TEX14: variants seen among roughly 807,000 people sequenced by gnomAD.
TEX14 encodes inactive serine/threonine-protein kinase TEX14.
TEX14 carries 168 observed loss-of-function variants against 178.6 expected under a neutral mutation model. That is an observed-to-expected ratio of 0.94 (90% confidence interval 0.83 to 1.07). The LOEUF (loss-of-function observed/expected upper bound fraction) is 1.07. Among genes scored for constraint, TEX14 ranks in the 50% least tolerant of loss-of-function variants. The pLI, the probability that TEX14 is intolerant of heterozygous loss-of-function variation, is 0.00. For missense variants in TEX14, 1,730 were observed against 1,753.6 expected, an observed-to-expected ratio of 0.99 and a Z score of 0.24; for synonymous variants, 626 against 634.1, an observed-to-expected ratio of 0.99 and a Z score of 0.19.
intron 1 of TEX14, among the ~76,000 whole-genome samples, chr17:58,682,280 CAG>C (rs1291115781): frequency 2.1e-5 from 3 of 145,356 alleles, no homozygotes; most frequent in East Asian, 4.1e-4. Context: ...TTTTTTGTGA[CAG>C]AGTCTTACTC....
At chr17:58,629,323 G>T (rs1323255043) in intron 3 of TEX14, among the ~76,000 whole-genome samples, 2 of 151,802 alleles carry the variant, frequency 1.3e-5, no homozygotes, top group Non-Finnish European at 2.9e-5. Context: ...GCCTGGTGGT[G>T]CCCACTTGTA....
chr17:58,659,060 C>T (rs2047032001), intron 1 of TEX14, among the ~76,000 whole-genome samples: 1 of 151,374 alleles, frequency 6.6e-6, no homozygotes, highest in Admixed American at 6.6e-5. Flanking sequence ...AACCACAACT[C>T]CAAAACCAAA....
Position 58,577,324 on chromosome 17 carries a change from T to C in TEX14, c.3320+51A>G, listed in dbSNP as rs764146837. 9 of 729,250 alleles carry C rather than the reference T, an allele frequency of 1.2e-5. No homozygotes were observed. In the South Asian group the frequency reaches 2.2e-4, roughly 18 times the overall value. The allele number at this position is 729,250 out of a possible 1,614,324, so 45.2% of individuals were successfully genotyped here. On this transcript the variant is annotated intron_variant, in intron 21 of 31. Transcript: ENST00000349033. Reference sequence around the variant, plus strand: ...ATAAACACGGAGCATTATCACCATTTAACATTGCATCTATGAGTTTGAAAC... The same window carrying C: ...ATAAACACGGAGCATTATCACCATTCAACATTGCATCTATGAGTTTGAAAC...
intron 31 of TEX14, among the ~76,000 whole-genome samples, chr17:58,557,508 TG>T (rs762497564): frequency 6.6e-6 from 1 of 152,096 alleles, no homozygotes; most frequent in Non-Finnish European, 1.5e-5. Context: ...TGACCTCAGG[TG>T]ATCTGCCCGC....
intron 20 of TEX14, 134 bp from the exon 21 acceptor site, chr17:58,577,590 T>C: frequency 2.9e-6 from 1 of 345,234 alleles, no homozygotes; most frequent in Non-Finnish European, 5.0e-6. Flanking sequence ...ATAAACAAAG[T>C]GCTGCCCTAA....
intron 30 of TEX14, among the ~76,000 whole-genome samples, 163 bp from the exon 31 acceptor site, chr17:58,558,013 G>A (rs2044184740): frequency 6.6e-6 from 1 of 152,100 alleles, no homozygotes; most frequent in Non-Finnish European, 1.5e-5. Flanking sequence ...ACAATTAATG[G>A]GCTTCCCCTC....
chr17:58,620,687 G>A (rs1258212707), intron 5 of TEX14, among the ~76,000 whole-genome samples: 1 of 152,044 alleles, frequency 6.6e-6, no homozygotes, highest in East Asian at 1.9e-4. Context: ...AGAGACGGGG[G>A]TTTCACCATG....
At chr17:58,678,547 C>A (rs1437314039) in intron 1 of TEX14, among the ~76,000 whole-genome samples, 1 of 151,928 alleles carries the variant, frequency 6.6e-6, no homozygotes, top group Non-Finnish European at 1.5e-5. Context: ...AAGCTGGAAA[C>A]CATCATTCTG....
rs547516802 is a variant in TEX14, at chr17:58,561,533, T to G, written c.4144A>C (p.Lys1382Gln). The G allele has an allele frequency of 6.8e-6, 11 of 1,612,910 alleles. No individual in the cohort carries two copies. In the South Asian group the frequency reaches 1.2e-4, roughly 18 times the overall value. The change falls in exon 29 of 32, where the codon AAG becomes CAG. Residue 1382 changes from lysine to glutamine, a missense_variant. Lys to Gln is a moderately conservative substitution (Grantham distance 53). Around this residue, in one of 2 missense-constraint regions of TEX14, gnomAD observed 941 missense variants for 1,072.4 expected, o/e 0.88. Transcript: ENST00000349033. ...GGGAACAATAACCTTTCAGAGCCCTTGGGAAGGTCTTGTAGCTCCACGCTC... is the reference window on the plus strand; with the variant it reads ...GGGAACAATAACCTTTCAGAGCCCTGGGGAAGGTCTTGTAGCTCCACGCTC... ...EESVELQDLP[K>Q]GSERETNIKD...
chr17:58,632,681 C>T (rs1237836442), intron 2 of TEX14, among the ~76,000 whole-genome samples: 1 of 152,190 alleles, frequency 6.6e-6, no homozygotes, highest in Non-Finnish European at 1.5e-5. Context: ...GCTCACGCAC[C>T]TAGGTCACGA....
chr17:58,631,354 GA>G (rs2144579499), intron 2 of TEX14, among the ~76,000 whole-genome samples: 1 of 152,224 alleles, frequency 6.6e-6, no homozygotes, highest in Admixed American at 6.5e-5. Flanking sequence ...AGCTACTTGA[GA>G]AACTGAAGCA....
At chr17:58,559,254 G>A (rs553305662) in intron 30 of TEX14, among the ~76,000 whole-genome samples, 199 bp downstream of exon 30, 4 of 152,172 alleles carry the variant, frequency 2.6e-5, no homozygotes, top group Non-Finnish European at 5.9e-5. Flanking sequence ...TTTGGAAATA[G>A]AATTGGATGT....
rs2047150717 is a variant in TEX14 at position 58,663,321 on chromosome 17, C to G, written c.-1-11319G>C. 2.0e-5 allele frequency among the ~76,000 whole-genome samples: 3 copies of G among 149,654 alleles called. No homozygotes were observed. In the Admixed American group the frequency reaches 2.0e-4, roughly 10 times the overall value. ...CCTGTAATCCCAGCTACTTGGGAGGCTGAGGCAGGAGAATTGCTTGAACGT... is the reference window on the plus strand; with the variant it reads ...CCTGTAATCCCAGCTACTTGGGAGGGTGAGGCAGGAGAATTGCTTGAACGT... On this transcript the variant is annotated intron_variant, in intron 1 of 31. Transcript: ENST00000349033.
At chr17:58,572,152 T>C in intron 23 of TEX14, 26 bp from the exon 24 acceptor site, 1 of 1,543,476 alleles carries the variant, frequency 6.5e-7, no homozygotes, top group Non-Finnish European at 8.9e-7. Context: ...GGAAGGTTAC[T>C]GTCTGAATCC....
chr17:58,628,876 C>T (rs1181550082), intron 3 of TEX14, among the ~76,000 whole-genome samples: 2 of 151,188 alleles, frequency 1.3e-5, no homozygotes, highest in South Asian at 2.1e-4. Context: ...CAGAGCAAGA[C>T]TCCATCACAA....
intron 1 of TEX14, among the ~76,000 whole-genome samples, chr17:58,667,817 G>A (rs1176615087): frequency 2.6e-5 from 4 of 151,220 alleles, no homozygotes; most frequent in Non-Finnish European, 4.4e-5. Flanking sequence ...CCCGGGAGGC[G>A]AAGGTTGCAG....
At chr17:58,689,680 A>AC (rs2088541417) in intron 1 of TEX14, among the ~76,000 whole-genome samples, 2 of 152,128 alleles carry the variant, frequency 1.3e-5, no homozygotes, top group African/African-American at 4.8e-5. Flanking sequence ...AAAAGTGATT[A>AC]CACAAGAAGG....
chr17:58,603,887 C>CTGTG (rs71143257), intron 11 of TEX14, among the ~76,000 whole-genome samples: 3,084 of 105,206 alleles, frequency 0.029, 83 homozygotes, highest in East Asian at 0.055. Context: ...TGTGATTTTA[C>CTGTG]TGTGTGTGTG....
intron 1 of TEX14, among the ~76,000 whole-genome samples, chr17:58,678,633 T>G (rs930588118): frequency 2.0e-5 from 3 of 151,748 alleles, no homozygotes; most frequent in Admixed American, 1.3e-4. Context: ...ATGAGAACAC[T>G]TGAACACGGG....
Sources: allele counts gnomAD v4.1 joint callset (sites outside exome capture counted in the v4.1 genomes callset), GRCh38; gene constraint gnomAD v4.1.1; regional missense constraint gnomAD v4.1.1; transcripts MANE v1.5; gene names NCBI Gene and HGNC (gene_info 2026-07-23, HGNC 2026-07-21).